DNM3: variants seen among roughly 807,000 people sequenced by gnomAD.
DNM3 encodes the protein dynamin 3, also known as dynamin-3.
A neutral mutation model predicts 101.6 loss-of-function variants in DNM3; 47 were observed. The observed-to-expected ratio is 0.46, with a 90% confidence interval of 0.37 to 0.59. The LOEUF (loss-of-function observed/expected upper bound fraction) is 0.59, where lower values mean the gene tolerates loss of function less well. Ranked by LOEUF, DNM3 falls within the 20% of genes least tolerant of loss-of-function variation. The probability of loss-of-function intolerance (pLI) is 0.00; values close to 1 mark genes in which losing one functional copy is unlikely to be tolerated. For synonymous variants in DNM3, 385 were observed against 387.9 expected, an observed-to-expected ratio of 0.99 and a Z score of 0.09; for missense variants, 849 against 1,085.7, an observed-to-expected ratio of 0.78 and a Z score of 3.06.
At chr1:172,314,169 G>A (rs1011880283) in intron 16 of DNM3, among the ~76,000 whole-genome samples, 1 of 152,134 alleles carries the variant, frequency 6.6e-6, no homozygotes, top group African/African-American at 2.4e-5. Flanking sequence ...TATGTTTATT[G>A]CAGCACTGTT....
At chr1:172,350,124 T>C (rs1482882467) in intron 17 of DNM3, among the ~76,000 whole-genome samples, 1 of 152,178 alleles carries the variant, frequency 6.6e-6, no homozygotes, top group Non-Finnish European at 1.5e-5. Flanking sequence ...ATAAGCCTAC[T>C]AGGCATATAC....
At chr1:171,922,657 C>T (rs972218479) in intron 2 of DNM3, among the ~76,000 whole-genome samples, 2 of 152,148 alleles carry the variant, frequency 1.3e-5, no homozygotes, top group African/African-American at 4.8e-5. Context: ...TTGATCACTC[C>T]CAAAAGAAAG....
At position 172,295,765 on chromosome 1, in the gene DNM3, T is replaced by C. The variant is rs532912859; in HGVS notation, c.1770-12963T>C. 2.0e-5 allele frequency among the ~76,000 whole-genome samples: 3 copies of C among 152,218 alleles called. No homozygotes were observed. In the South Asian group the frequency reaches 6.2e-4, roughly 32 times the overall value. On this transcript the variant is annotated intron_variant, in intron 15 of 20. Coordinates refer to ENST00000627582, the MANE Select transcript of DNM3 (RefSeq NM_015569.5). ...ATAAACATGATTGAAACTTTCCTAA[T>C]CAAAAATGATGATTTTCTGATTGAG...
At chr1:171,924,727 A>G (rs2040424645) in intron 2 of DNM3, among the ~76,000 whole-genome samples, 1 of 152,192 alleles carries the variant, frequency 6.6e-6, no homozygotes, top group East Asian at 1.9e-4. Context: ...GGGTGGGGAC[A>G]CAAAGCCTAA....
intron 10 of DNM3, among the ~76,000 whole-genome samples, chr1:172,049,188 T>A (rs189697972): frequency 4.6e-5 from 7 of 152,220 alleles, no homozygotes; most frequent in Admixed American, 4.6e-4. Flanking sequence ...GGCAGTGTAG[T>A]GTAGTGGATA....
chr1:171,936,184 C>T (rs2041403638), intron 2 of DNM3, among the ~76,000 whole-genome samples: 1 of 151,772 alleles, frequency 6.6e-6, no homozygotes, highest in South Asian at 2.1e-4. Flanking sequence ...TGGTGAAACC[C>T]CATCTCCACT....
chr1:171,896,501 A>G (rs2037813695), intron 1 of DNM3, among the ~76,000 whole-genome samples: 1 of 152,132 alleles, frequency 6.6e-6, no homozygotes, highest in Admixed American at 6.5e-5. Context: ...TATATTTTGT[A>G]TCCTGAGACT....
intron 6 of DNM3, among the ~76,000 whole-genome samples, chr1:172,037,085 A>C (rs531824795): frequency 6.6e-6 from 1 of 152,124 alleles, no homozygotes; most frequent in Admixed American, 6.5e-5. Flanking sequence ...CAAAACCACA[A>C]TGAGATACCA....
At chr1:171,994,366 AT>A (rs200548234) in intron 4 of DNM3, among the ~76,000 whole-genome samples, 5 of 150,416 alleles carry the variant, frequency 3.3e-5, no homozygotes, top group South Asian at 2.1e-4. Context: ...TTTGCTCAGC[AT>A]TTTTTTTTAG....
chr1:172,321,873 T>C (rs955037951), intron 16 of DNM3, among the ~76,000 whole-genome samples: 2 of 152,140 alleles, frequency 1.3e-5, no homozygotes, highest in Non-Finnish European at 2.9e-5. Flanking sequence ...CCCGGTAAAA[T>C]TCCCAGTGGG....
rs991370438 is a variant in DNM3 at position 172,410,643 on chromosome 1, G to A, written c.*2802G>A. On this transcript the variant is annotated 3_prime_UTR_variant, in exon 21 of 21. Coordinates refer to ENST00000627582, the MANE Select transcript of DNM3 (RefSeq NM_015569.5). ...TAAAAAACATCTACCAAGGTTACTC[G>A]TCTGAATATTGCTTTTAGCCGTGTT... 4.2e-5 allele frequency: 41 copies of A among 985,232 alleles called. No homozygotes were observed. The highest frequency in any genetic ancestry group is 5.2e-4 in the Middle Eastern group (1 of 1,914). 61.0% of individuals were successfully genotyped at this position (985,232 alleles called of 1,614,324 possible).
intron 4 of DNM3, among the ~76,000 whole-genome samples, chr1:172,031,974 A>G (rs1411371193): frequency 6.6e-6 from 1 of 152,142 alleles, no homozygotes; most frequent in African/African-American, 2.4e-5. Flanking sequence ...TCCTTGGTTT[A>G]TGACGCACTC....
At chr1:171,972,773 C>T (rs1271995599) in intron 2 of DNM3, among the ~76,000 whole-genome samples, 2 of 152,018 alleles carry the variant, frequency 1.3e-5, no homozygotes, top group African/African-American at 2.4e-5. Flanking sequence ...CGCTTGAACT[C>T]GGGAGGTGGA....
At chr1:172,079,179 G>T (rs1298792987) in intron 11 of DNM3, among the ~76,000 whole-genome samples, 1 of 152,132 alleles carries the variant, frequency 6.6e-6, no homozygotes, top group African/African-American at 2.4e-5. Flanking sequence ...TGCTAGGTTG[G>T]AGTAGTTCTC....
chr1:172,281,427 G>A (rs2063486740), intron 15 of DNM3, among the ~76,000 whole-genome samples: 1 of 151,996 alleles, frequency 6.6e-6, no homozygotes, highest in South Asian at 2.1e-4. Context: ...TACCCCAATG[G>A]AGATTAAGTA....
Position 171,976,950 on chromosome 1 carries a change from AT to A in DNM3, c.236-10699del, listed in dbSNP as rs139058365. On this transcript the variant is annotated intron_variant, in intron 2 of 20. Transcript: ENST00000627582. ...TTGTAAATCTTAGACTTTCTATTGT[AT>A]TTTTTTGTATTGAAATCTGATTATT... 8.9e-3 allele frequency among the ~76,000 whole-genome samples: 1,359 copies of A among 152,104 alleles called. 27 individuals are homozygous for A. Among genetic ancestry groups the A allele is most frequent in the African/African-American group, 0.031 (1,286 of 41,492 alleles).
intron 7 of DNM3, 150 bp downstream of exon 7, chr1:172,038,611 T>G: frequency 9.3e-7 from 1 of 1,078,182 alleles, no homozygotes; most frequent in Non-Finnish European, 1.3e-6. Flanking sequence ...TGAATTTTTA[T>G]GCTTTGTTGA....
At chr1:172,056,350 G>T (rs1238315000) in intron 10 of DNM3, among the ~76,000 whole-genome samples, 1 of 152,236 alleles carries the variant, frequency 6.6e-6, no homozygotes, top group African/African-American at 2.4e-5. Flanking sequence ...CACAGCTCAA[G>T]GAGGCCTGCC....
intron 4 of DNM3, among the ~76,000 whole-genome samples, chr1:172,007,843 G>T (rs2046800070): frequency 6.6e-6 from 1 of 152,072 alleles, no homozygotes; most frequent in Non-Finnish European, 1.5e-5. Context: ...ATGGCTCACT[G>T]CAGCCTCAAC....
Sources: allele counts gnomAD v4.1 joint callset (sites outside exome capture counted in the v4.1 genomes callset), GRCh38; gene constraint gnomAD v4.1.1; transcripts MANE v1.5; gene names NCBI Gene and HGNC (gene_info 2026-07-23, HGNC 2026-07-21).